The following CRISP1 variants were observed in gnomAD, a reference collection of about 807,000 sequenced individuals.
CRISP1 encodes the protein cysteine rich secretory protein 1.
CRISP1 carries 44 observed loss-of-function variants against 33.1 expected under a neutral mutation model. That is an observed-to-expected ratio of 1.33 (90% CI 1.05 to 1.71). The LOEUF is 1.71. Ranked by LOEUF, CRISP1 falls within the 40% of genes most tolerant of loss-of-function variation. CRISP1 has a pLI of 0.00. For synonymous variants in CRISP1, 103 were observed against 98.7 expected, an observed-to-expected ratio of 1.04 and a Z score of -0.26; for missense variants, 390 against 301.2, an observed-to-expected ratio of 1.29 and a Z score of -2.18.
chr6:49,843,805 G>A (rs533865242), intron 5 of CRISP1, among the ~76,000 whole-genome samples: 40 of 152,228 alleles, frequency 2.6e-4, no homozygotes, highest in African/African-American at 9.6e-4. Flanking sequence ...TAGAAATAAG[G>A]GCATTAAAGT....
chr6:49,871,694 C>CCA (rs1434567626), intron 1 of CRISP1, among the ~76,000 whole-genome samples: 1 of 151,692 alleles, frequency 6.6e-6, no homozygotes, highest in East Asian at 1.9e-4. Context: ...ATGATGGTTT[C>CCA]CAGCTTCATC....
chr6:49,838,300 G>T, intron 7 of CRISP1, 137 bp downstream of exon 7: 1 of 663,904 alleles, frequency 1.5e-6, no homozygotes, highest in South Asian at 2.0e-5. Context: ...TTGGGGAGGG[G>T]TAAGCAGAAA....
rs933298780 is a variant in CRISP1 at position 49,835,196 on chromosome 6, C to T, written c.*120G>A. 4.1e-5 allele frequency: 46 copies of T among 1,109,480 alleles called. No homozygotes were observed. In the African/African-American group the frequency reaches 6.1e-4, roughly 15 times the overall value. The allele number at this position is 1,109,480 out of a possible 1,614,324, so 68.7% of individuals were successfully genotyped here. A position where few individuals can be genotyped will look rare whatever the true frequency, so the allele number is the denominator to read the frequency against. ...TGTATCAGGATGGGAGTTAAGGTCT[C>T]CAGCATGATTAAAATCAGTGAAATT... On this transcript the variant is annotated 3_prime_UTR_variant, in exon 8 of 8. Transcript: ENST00000335847.
chr6:49,844,692 T>A (rs1289603265), intron 5 of CRISP1, among the ~76,000 whole-genome samples: 1 of 152,102 alleles, frequency 6.6e-6, no homozygotes, highest in Non-Finnish European at 1.5e-5. Context: ...CCAAAGAGAA[T>A]TATTCTCAAG....
At chr6:49,864,789 C>T (rs1370977792) in intron 1 of CRISP1, among the ~76,000 whole-genome samples, 1 of 152,044 alleles carries the variant, frequency 6.6e-6, no homozygotes, top group Non-Finnish European at 1.5e-5. Flanking sequence ...GAATTCTTTA[C>T]ATGTTCTTGA....
In CRISP1 at chr6:49,848,207, A is replaced by C; in HGVS notation, c.286+2T>G. 1 of 1,560,776 alleles carries C rather than the reference A, an allele frequency of 6.4e-7. No individual in the cohort carries two copies. The highest frequency in any genetic ancestry group is 8.7e-7 in the Non-Finnish European group (1 of 1,152,696). On this transcript the variant is annotated splice_donor_variant, in intron 4 of 7. Transcript: ENST00000335847. LOFTEE classifies it high-confidence loss of function. ...AGGCGGGTCATATAGATACACACTT[A>C]CTTGGAAGTCTCCTCTCAAGGGGGT...
intron 7 of CRISP1, among the ~76,000 whole-genome samples, chr6:49,837,293 A>G (rs981754599): frequency 6.6e-6 from 1 of 152,200 alleles, no homozygotes; most frequent in Non-Finnish European, 1.5e-5. Flanking sequence ...TGATATAATC[A>G]ATCTTCTTGA....
At chr6:49,849,136 A>G (rs914750998) in intron 3 of CRISP1, among the ~76,000 whole-genome samples, 21 of 152,150 alleles carry the variant, frequency 1.4e-4, no homozygotes, top group Admixed American at 1.3e-4. Flanking sequence ...AAAGGGAGAA[A>G]TTCTGCATCT....
chr6:49,837,928 T>G (rs1459869782), intron 7 of CRISP1, among the ~76,000 whole-genome samples: 1 of 149,626 alleles, frequency 6.7e-6, no homozygotes, highest in African/African-American at 2.4e-5. Context: ...CTTTAAGGAA[T>G]AATGTGAGCA....
chr6:49,860,706 G>A (rs546488324), intron 1 of CRISP1, among the ~76,000 whole-genome samples: 1 of 151,874 alleles, frequency 6.6e-6, no homozygotes, highest in South Asian at 2.1e-4. Context: ...TGCATCTCAA[G>A]AACTAAATGA....
rs1218334795 is a variant in CRISP1, at chr6:49,835,297, A to G, written c.*19T>C. The G allele has an allele frequency of 6.2e-7, 1 of 1,613,078 alleles. No individual in the cohort carries two copies. Among genetic ancestry groups the G allele is most frequent in the Admixed American group, 1.7e-5 (1 of 59,978 alleles). The stretch of plus-strand genomic sequence containing the variant: ...CCTCCTCATCGTCACAGCATAGAAC[A>G]GTTGAAAATAACAAAGACCTATTTT... On this transcript the variant is annotated 3_prime_UTR_variant, in exon 8 of 8. Coordinates refer to ENST00000335847, the MANE Select transcript of CRISP1 (RefSeq NM_001131.3).
At chr6:49,844,189 G>C (rs938865531) in intron 5 of CRISP1, among the ~76,000 whole-genome samples, 1 of 152,130 alleles carries the variant, frequency 6.6e-6, no homozygotes, top group Admixed American at 6.5e-5. Flanking sequence ...ACAACCATTA[G>C]ATAAAGACAC....
chr6:49,838,778 T>C (rs1052405073), intron 6 of CRISP1, among the ~76,000 whole-genome samples: 1 of 152,188 alleles, frequency 6.6e-6, no homozygotes, highest in East Asian at 1.9e-4. Context: ...AGTCAAGTCC[T>C]AACAGTACTT....
intron 5 of CRISP1, 127 bp downstream of exon 5, chr6:49,846,393 G>C: frequency 1.0e-6 from 1 of 953,712 alleles, no homozygotes; most frequent in Non-Finnish European, 1.6e-6. Flanking sequence ...AATTATAAGA[G>C]GAACTCAGTA....
chr6:49,846,798 A>G, intron 4 of CRISP1, 130 bp from the exon 5 acceptor site: 1 of 856,478 alleles, frequency 1.2e-6, no homozygotes, highest in Non-Finnish European at 1.7e-6. Context: ...AGGGAGTAAA[A>G]TAAGTTGTAT....
chr6:49,861,279 G>A (rs1443971808), intron 1 of CRISP1, among the ~76,000 whole-genome samples: 1 of 151,978 alleles, frequency 6.6e-6, no homozygotes, highest in Admixed American at 6.6e-5. Flanking sequence ...AACCAGACAA[G>A]GATGCAACAA....
chr6:49,875,986 G>A (rs1320638910), intron 1 of CRISP1, among the ~76,000 whole-genome samples: 1 of 151,970 alleles, frequency 6.6e-6, no homozygotes, highest in Non-Finnish European at 1.5e-5. Flanking sequence ...CATAGGCATG[G>A]GCAAAGATGT....
At chr6:49,839,152 G>A (rs1202739210) in intron 6 of CRISP1, among the ~76,000 whole-genome samples, 3 of 151,548 alleles carry the variant, frequency 2.0e-5, no homozygotes, top group Non-Finnish European at 2.9e-5. Context: ...TAGAAAAGAC[G>A]GGCAGGGCTC....
chr6:49,836,484 C>T (rs1175558175), intron 7 of CRISP1, among the ~76,000 whole-genome samples: 3 of 151,438 alleles, frequency 2.0e-5, no homozygotes, highest in African/African-American at 7.3e-5. Context: ...TACAGGCGCC[C>T]GCCATCACGC....
Sources: allele counts gnomAD v4.1 joint callset (sites outside exome capture counted in the v4.1 genomes callset), GRCh38; gene constraint gnomAD v4.1.1; transcripts MANE v1.5; gene names NCBI Gene and HGNC (gene_info 2026-07-23, HGNC 2026-07-21).